MEGF11: variants seen among roughly 807,000 people sequenced by gnomAD.
MEGF11 encodes multiple epidermal growth factor-like domains protein 11.
Under a neutral mutation model 146.6 loss-of-function variants are expected in MEGF11, and 126 were observed. The ratio of observed to expected loss-of-function variants is 0.86; its 90% confidence interval spans 0.74 to 1.00. MEGF11 has a LOEUF of 1.00. Among genes scored for constraint, MEGF11 ranks in the 50% least tolerant of loss-of-function variants. MEGF11 has a pLI of 0.00. For synonymous variants in MEGF11, 532 were observed against 583.4 expected (o/e 0.91, Z 1.27); for missense variants, 1,509 against 1,521.2 (o/e 0.99, Z 0.13).
chr15:66,029,295 G>A (rs1475631791), intron 5 of MEGF11, among the ~76,000 whole-genome samples: 1 of 152,106 alleles, frequency 6.6e-6, no homozygotes, highest in Admixed American at 6.5e-5. Flanking sequence ...AAGTTCAAGG[G>A]CCTGGTGGCA....
In MEGF11 at chr15:65,963,317, C is replaced by T. The variant is rs955812687; in HGVS notation, c.1112+1591G>A. ...TGCTCTCCAAACCCAGCCCAGATGC[C>T]ACCTCTTCTAGGAAGCCTTCCCTGA... On this transcript the variant is annotated intron_variant, in intron 9 of 25. Coordinates refer to ENST00000395614, the MANE Select transcript of MEGF11 (RefSeq NM_001385028.1). Among the ~76,000 whole-genome samples, 11 of 152,192 alleles carry T rather than the reference C, an allele frequency of 7.2e-5. 1 individual carries two copies. Among genetic ancestry groups the T allele is most frequent in the Non-Finnish European group, 1.5e-5 (1 of 68,024 alleles).
intron 13 of MEGF11, among the ~76,000 whole-genome samples, chr15:65,923,372 G>A (rs930693801): frequency 2.6e-5 from 4 of 152,168 alleles, no homozygotes; most frequent in Non-Finnish European, 2.9e-5. Flanking sequence ...GAACAGGACC[G>A]GGAGGAACCA....
chr15:65,935,919 T>G lies in MEGF11; in HGVS notation c.1288-4976A>C, dbSNP rs377059563. 1.3e-4 allele frequency among the ~76,000 whole-genome samples: 20 copies of G among 152,304 alleles called. No homozygotes were observed. In the East Asian group the frequency reaches 3.9e-3, roughly 29 times the overall value. Reference sequence around the variant, plus strand: ...AATTGACTGGCCAGTCTCCGGTGATTGATGTTCATAGCAAGCCAATCACGA... The same window carrying G: ...AATTGACTGGCCAGTCTCCGGTGATGGATGTTCATAGCAAGCCAATCACGA... On this transcript the variant is annotated intron_variant, in intron 10 of 25. Coordinates refer to ENST00000395614, the MANE Select transcript of MEGF11 (RefSeq NM_001385028.1).
At chr15:66,083,782 C>A (rs956823555) in intron 5 of MEGF11, among the ~76,000 whole-genome samples, 1 of 152,048 alleles carries the variant, frequency 6.6e-6, no homozygotes, top group Non-Finnish European at 1.5e-5. Flanking sequence ...CCCAGCATGG[C>A]GACACATGCC....
chr15:66,101,277 C>T (rs559562059), intron 4 of MEGF11, among the ~76,000 whole-genome samples: 52 of 152,262 alleles, frequency 3.4e-4, no homozygotes, highest in Admixed American at 1.1e-3. Context: ...CCGCTCCGGA[C>T]GGCTGCCCTC....
Position 65,916,262 on chromosome 15 carries a change from ATGC to A in MEGF11, c.2227_2229del (p.Ala743del), listed in dbSNP as rs747220792. On this transcript the variant is annotated inframe_deletion, in exon 18 of 26. Coordinates refer to ENST00000395614, the MANE Select transcript of MEGF11 (RefSeq NM_001385028.1). ...ACGCGCCCACAGTCCTTCCCAAAAAATGCTGCTGGGCAGCCTAGAGAAACAGGA... is the reference window on the plus strand; with the variant it reads ...ACGCGCCCACAGTCCTTCCCAAAAAATGCTGGGCAGCCTAGAGAAACAGGA... 14 of 1,556,292 alleles carry A rather than the reference ATGC, an allele frequency of 9.0e-6. No individual in the cohort carries two copies. Among genetic ancestry groups the A allele is most frequent in the Admixed American group, 1.9e-5 (1 of 51,464 alleles).
chr15:65,932,604 T>C (rs1052343009), intron 10 of MEGF11, among the ~76,000 whole-genome samples: 33 of 151,788 alleles, frequency 2.2e-4, no homozygotes, highest in African/African-American at 8.0e-4. Context: ...GAGCTGGGAA[T>C]GTGCTAGGGG....
intron 5 of MEGF11, among the ~76,000 whole-genome samples, chr15:66,086,300 A>G (rs190522221): frequency 6.6e-6 from 1 of 152,372 alleles, no homozygotes; most frequent in African/African-American, 2.4e-5. Flanking sequence ...AAGTACAAGA[A>G]GCACAAAGAA....
chr15:66,202,545 G>A (rs1222912571), intron 1 of MEGF11, among the ~76,000 whole-genome samples: 1 of 152,174 alleles, frequency 6.6e-6, no homozygotes, highest in African/African-American at 2.4e-5. Context: ...CCTAGGGGTG[G>A]CCCTGGCCCC....
At chr15:65,937,236 G>A (rs1240105510) in intron 10 of MEGF11, among the ~76,000 whole-genome samples, 1 of 152,192 alleles carries the variant, frequency 6.6e-6, no homozygotes, top group African/African-American at 2.4e-5. Context: ...GTTCATGTCA[G>A]TTGATCTTGT....
At chr15:66,224,828 G>T (rs1464135779) in intron 1 of MEGF11, among the ~76,000 whole-genome samples, 2 of 151,280 alleles carry the variant, frequency 1.3e-5, no homozygotes, top group Non-Finnish European at 2.9e-5. Context: ...CCAGATGGGG[G>T]AGTGAATCTC....
chr15:66,045,284 G>C lies in MEGF11; in HGVS notation c.394+49118C>G, dbSNP rs114647600. ...GCCTCTCATACCTCACTGCTCTCCTGTGGATGCCTAGAGCCCTGTGGCTGT... is the reference window on the plus strand; with the variant it reads ...GCCTCTCATACCTCACTGCTCTCCTCTGGATGCCTAGAGCCCTGTGGCTGT... On this transcript the variant is annotated intron_variant, in intron 5 of 25. Transcript: ENST00000395614. Among the ~76,000 whole-genome samples the C allele has an allele frequency of 3.3e-3, 501 of 152,262 alleles. 4 individuals are homozygous for C. Among genetic ancestry groups the C allele is most frequent in the African/African-American group, 0.011 (474 of 41,548 alleles).
chr15:66,129,968 G>A (rs898887673), intron 1 of MEGF11, among the ~76,000 whole-genome samples: 1 of 152,152 alleles, frequency 6.6e-6, no homozygotes, highest in African/African-American at 2.4e-5. Context: ...CGATTCTGGT[G>A]TTTCTGCTCA....
intron 1 of MEGF11, among the ~76,000 whole-genome samples, chr15:66,184,867 C>T (rs1597140511): frequency 6.6e-6 from 1 of 152,096 alleles, no homozygotes; most frequent in East Asian, 1.9e-4. Context: ...GGACTCTCCC[C>T]GCCTGCTTCC....
chr15:66,163,552 A>G (rs2090012371), intron 1 of MEGF11, among the ~76,000 whole-genome samples: 1 of 152,200 alleles, frequency 6.6e-6, no homozygotes, highest in South Asian at 2.1e-4. Context: ...TGAGCTGGCC[A>G]GCTGTCCTGG....
intron 1 of MEGF11, among the ~76,000 whole-genome samples, chr15:66,184,251 C>CA (rs2090633671): frequency 6.6e-6 from 1 of 151,930 alleles, no homozygotes; most frequent in Non-Finnish European, 1.5e-5. Flanking sequence ...AAACTGAAAA[C>CA]AAAAAAAGAA....
chr15:66,156,896 C>T (rs1245357001), intron 1 of MEGF11, among the ~76,000 whole-genome samples: 2 of 152,118 alleles, frequency 1.3e-5, no homozygotes, highest in African/African-American at 4.8e-5. Context: ...CCAGGCAGAA[C>T]CCCCTAAACC....
intron 11 of MEGF11, 148 bp downstream of exon 11, chr15:65,930,675 T>G (rs1486901919): frequency 4.1e-6 from 4 of 966,574 alleles, no homozygotes; most frequent in Non-Finnish European, 5.9e-6. Flanking sequence ...TGGGTTTTCT[T>G]GCCTGGAACC....
At chr15:66,236,113 G>C (rs535011318) in intron 1 of MEGF11, among the ~76,000 whole-genome samples, 1 of 152,284 alleles carries the variant, frequency 6.6e-6, no homozygotes, top group African/African-American at 2.4e-5. Flanking sequence ...ATGAGTAAGA[G>C]TCAGCCACAT....
Sources: gnomAD v4.1 joint callset for allele counts (sites outside exome capture counted in the v4.1 genomes callset) on GRCh38, gnomAD v4.1.1 for gene constraint, MANE v1.5 for transcripts, NCBI Gene and HGNC (gene_info 2026-07-23, HGNC 2026-07-21) for gene names.